CSMD3: variants seen among roughly 807,000 people sequenced by gnomAD.
CSMD3 encodes CUB and Sushi multiple domains 3, also known as CUB and sushi domain-containing protein 3.
CSMD3 carries 177 observed loss-of-function variants against 435.2 expected under a neutral mutation model. The ratio of observed to expected loss-of-function variants is 0.41; its 90% CI spans 0.36 to 0.46. CSMD3 has a LOEUF of 0.46. CSMD3 is among the 20% of genes least tolerant of loss of function. The pLI is 0.34. For missense variants in CSMD3, 4,265 were observed against 4,504.6 expected (o/e 0.95, Z 1.52); for synonymous variants, 1,656 against 1,520.5 (o/e 1.09, Z -2.07).
At chr8:112,801,093 A>C (rs2078949922) in intron 12 of CSMD3, among the ~76,000 whole-genome samples, 1 of 152,056 alleles carries the variant, frequency 6.6e-6, no homozygotes, top group African/African-American at 2.4e-5. Context: ...CACATTGATA[A>C]GAGATTCTAA....
At chr8:112,302,541 C>T (rs184869014) in intron 52 of CSMD3, among the ~76,000 whole-genome samples, 5 of 152,144 alleles carry the variant, frequency 3.3e-5, no homozygotes, top group Admixed American at 6.5e-5. Flanking sequence ...AACTGGCTTG[C>T]TGGGTCATAT....
chr8:113,250,978 T>A (rs956261451), intron 3 of CSMD3, among the ~76,000 whole-genome samples: 3 of 151,996 alleles, frequency 2.0e-5, no homozygotes, highest in African/African-American at 7.2e-5. Flanking sequence ...TGCAGAAGGG[T>A]TACTAGGTAG....
At chr8:113,369,885 G>GT (rs1162158393) in intron 1 of CSMD3, among the ~76,000 whole-genome samples, 2 of 151,810 alleles carry the variant, frequency 1.3e-5, no homozygotes, top group Non-Finnish European at 2.9e-5. Context: ...GAGTAGAATG[G>GT]TGATTACTAG....
chr8:112,380,450 G>A lies in CSMD3; in HGVS notation c.6038C>T (p.Thr2013Ile). Residue 2013 changes from threonine (T) to isoleucine (I), a missense_variant, in exon 38 of 71, where the codon ACA (threonine) becomes ATA (isoleucine). Thr to Ile is a moderately conservative substitution (Grantham distance 89, BLOSUM62 -1). Transcript: ENST00000297405. ...CGTACTATTCAAAAGATGGGGTATTGTTGTTCCTGAAATGATATATGAGAA... is the reference window on the plus strand; with the variant it reads ...CGTACTATTCAAAAGATGGGGTATTATTGTTCCTGAAATGATATATGAGAA... ...APRLGSYSGT[T>I]IPHLLNSTSN... 2.0e-6 allele frequency: 3 copies of A among 1,532,730 alleles called. No homozygotes were observed. The highest frequency in any genetic ancestry group is 2.7e-6 in the Non-Finnish European group (3 of 1,106,494). The allele number at this position is 1,532,730 out of a possible 1,614,324, so 94.9% of individuals were successfully genotyped here.
chr8:112,947,838 G>T lies in CSMD3; in HGVS notation c.1460C>A (p.Pro487Gln). 6.4e-7 allele frequency: 1 copy of T among 1,552,412 alleles called. No homozygotes were observed. Among genetic ancestry groups the T allele is most frequent in the Non-Finnish European group, 8.9e-7 (1 of 1,126,062 alleles). ...GGIKTASNLC[P>Q]DPGEPENGKR... ...CCCATTTTCTGGTTCTCCTGGATCT[G>T]GGCATAAATTGGAAGCTGTTTTAAT... Residue 487 changes from proline to glutamine, a missense_variant, in exon 9 of 71, where the codon CCA becomes CAA. Physicochemically the swap from Pro to Gln is moderately conservative, Grantham distance 76 (BLOSUM62 -1). Around this residue, in one of 3 missense-constraint regions of CSMD3, gnomAD observed 731 missense variants for 755.4 expected, o/e 0.97. Transcript: ENST00000297405.
chr8:112,451,958 G>C (rs141966306), intron 32 of CSMD3, among the ~76,000 whole-genome samples: 1 of 151,984 alleles, frequency 6.6e-6, no homozygotes, highest in Non-Finnish European at 1.5e-5. Context: ...AGATACTAAC[G>C]TTTCCCATAA....
intron 13 of CSMD3, among the ~76,000 whole-genome samples, chr8:112,755,788 T>C (rs924343850): frequency 6.7e-6 from 1 of 149,120 alleles, no homozygotes; most frequent in Non-Finnish European, 1.5e-5. Context: ...AATTAATATA[T>C]ACTTTGCATA....
rs3047126 is a variant in CSMD3 at position 112,827,164 on chromosome 8, A to AATATATATAT, written c.1859+2512_1859+2521dup. 9.3e-3 allele frequency among the ~76,000 whole-genome samples: 768 copies of AATATATATAT among 82,534 alleles called. 33 individuals carry two copies. Among genetic ancestry groups the AATATATATAT allele is most frequent in the Middle Eastern group, 0.027 (3 of 112 alleles). The allele number at this position is 82,534 out of a possible 152,430, so 54.1% of individuals were successfully genotyped here. ...TTCTGTATTTTACTAGGTTACCATAAATATATATATATATATATATATATA... is the reference window on the plus strand; with the variant it reads ...TTCTGTATTTTACTAGGTTACCATAAATATATATATATATATATATATATATATATATATA... On this transcript the variant is annotated intron_variant, in intron 12 of 70. Coordinates refer to ENST00000297405, the MANE Select transcript of CSMD3 (RefSeq NM_198123.2).
intron 22 of CSMD3, among the ~76,000 whole-genome samples, chr8:112,596,383 A>G (rs1286143560): frequency 6.6e-6 from 1 of 151,936 alleles, no homozygotes; most frequent in Non-Finnish European, 1.5e-5. Context: ...TGAGTGACCT[A>G]CAAAGAGACT....
intron 13 of CSMD3, among the ~76,000 whole-genome samples, chr8:112,694,559 A>G (rs902082827): frequency 6.6e-6 from 1 of 152,050 alleles, no homozygotes; most frequent in Non-Finnish European, 1.5e-5. Context: ...TTAAGAACAT[A>G]TTTTAAATTT....
intron 4 of CSMD3, among the ~76,000 whole-genome samples, chr8:113,164,419 G>T (rs2092109504): frequency 6.8e-6 from 1 of 146,372 alleles, no homozygotes; most frequent in African/African-American, 2.5e-5. Flanking sequence ...TAAGGAATTA[G>T]TGCAAAAAAA....
intron 50 of CSMD3, chr8:112,310,692 T>C: frequency 2.2e-6 from 1 of 461,850 alleles, no homozygotes; most frequent in Non-Finnish European, 4.0e-6. Context: ...ATAATTGTCT[T>C]AAAACAAAGT....
intron 24 of CSMD3, among the ~76,000 whole-genome samples, chr8:112,568,981 G>C (rs576102747): frequency 6.6e-6 from 1 of 152,172 alleles, no homozygotes; most frequent in East Asian, 1.9e-4. Flanking sequence ...AATCATGATG[G>C]TCTAAAGTTA....
At chr8:112,915,627 T>A (rs935790211) in intron 10 of CSMD3, among the ~76,000 whole-genome samples, 3 of 149,142 alleles carry the variant, frequency 2.0e-5, no homozygotes, top group African/African-American at 7.7e-5. Flanking sequence ...TGAAGACAAA[T>A]AATCTTTTAC....
intron 9 of CSMD3, among the ~76,000 whole-genome samples, chr8:112,939,561 C>A (rs533160848): frequency 6.6e-6 from 1 of 152,040 alleles, no homozygotes; most frequent in South Asian, 2.1e-4. Flanking sequence ...GTAAGTTCAT[C>A]TGATTCCAAA....
chr8:112,792,483 A>G (rs762560260), intron 13 of CSMD3, among the ~76,000 whole-genome samples: 6 of 152,112 alleles, frequency 3.9e-5, no homozygotes, highest in Non-Finnish European at 8.8e-5. Flanking sequence ...TCTAAACCTA[A>G]TTCTTTCCCA....
intron 13 of CSMD3, among the ~76,000 whole-genome samples, chr8:112,751,729 C>A (rs1170183169): frequency 6.6e-6 from 1 of 151,276 alleles, no homozygotes; most frequent in Admixed American, 6.6e-5. Context: ...AACTCTGAAT[C>A]AATCAGAAAG....
rs1466656981 is a variant in CSMD3, at chr8:112,688,282, A to G, written c.2155+1586T>C. Among the ~76,000 whole-genome samples the G allele has an allele frequency of 2.0e-5, 3 of 152,140 alleles. No homozygotes were observed. In the East Asian group the frequency reaches 5.8e-4, roughly 29 times the overall value. On this transcript the variant is annotated intron_variant, in intron 14 of 70. Coordinates refer to ENST00000297405, the MANE Select transcript of CSMD3 (RefSeq NM_198123.2). ...TCAGATAGATAGATGCTTATATCAT[A>G]CTTTAAATTCTTAATTATATAAGAT...
chr8:113,100,669 GAAGT>G (rs1272351468), intron 4 of CSMD3, among the ~76,000 whole-genome samples: 1 of 152,050 alleles, frequency 6.6e-6, no homozygotes, highest in Non-Finnish European at 1.5e-5. Context: ...AAAAGTATAT[GAAGT>G]AAGGCATACG....
Sources: gnomAD v4.1 joint callset for allele counts (sites outside exome capture counted in the v4.1 genomes callset) on GRCh38, gnomAD v4.1.1 for gene constraint, gnomAD v4.1.1 regional missense constraint, MANE v1.5 for transcripts, NCBI Gene and HGNC (gene_info 2026-07-23, HGNC 2026-07-21) for gene names.